The following KAZN variants were observed in gnomAD, a reference collection of about 807,000 sequenced individuals.
The protein encoded by KAZN is kazrin, periplakin interacting protein.
In KAZN, 40 loss-of-function variants were observed where a neutral mutation model predicts 87.4. The observed-to-expected ratio is 0.46, with a 90% CI of 0.36 to 0.60. The LOEUF (loss-of-function observed/expected upper bound fraction) is 0.60, where lower values mean the gene tolerates loss of function less well. KAZN is among the 20% of genes least tolerant of loss of function. The pLI is 0.00. For synonymous variants in KAZN, 466 were observed against 458.3 expected, an observed-to-expected ratio of 1.02 and a Z score of -0.22; for missense variants, 898 against 1,073.9, an observed-to-expected ratio of 0.84 and a Z score of 2.29.
chr1:14,197,739 T>C (rs188836675), intron 2 of KAZN, among the ~76,000 whole-genome samples: 211 of 152,216 alleles, frequency 1.4e-3, no homozygotes, highest in African/African-American at 4.9e-3. Flanking sequence ...ACCAGAACCT[T>C]ATTTTCTAAG....
At chr1:14,403,208 G>C (rs989862374) in intron 2 of KAZN, among the ~76,000 whole-genome samples, 2 of 152,150 alleles carry the variant, frequency 1.3e-5, no homozygotes, top group African/African-American at 4.8e-5. Context: ...CTTTACAAAT[G>C]GTGCTGGGAG....
At chr1:14,371,353 A>G (rs1301879717) in intron 2 of KAZN, among the ~76,000 whole-genome samples, 1 of 152,146 alleles carries the variant, frequency 6.6e-6, no homozygotes, top group African/African-American at 2.4e-5. Context: ...TACATGCTTA[A>G]TCCCCTCTTG....
intron 8 of KAZN, among the ~76,000 whole-genome samples, chr1:15,086,500 AC>A (rs1268815928): frequency 1.3e-5 from 2 of 152,204 alleles, no homozygotes; most frequent in African/African-American, 4.8e-5. Context: ...CTACCAAAAC[AC>A]TTGTAATCGA....
intron 1 of KAZN, among the ~76,000 whole-genome samples, chr1:14,855,539 T>C (rs1649996363): frequency 6.6e-6 from 1 of 152,182 alleles, no homozygotes; most frequent in Non-Finnish European, 1.5e-5. Flanking sequence ...ATGGGTCGGG[T>C]CACTGATGTG....
At chr1:13,990,677 C>T (rs1639236152) in intron 1 of KAZN, among the ~76,000 whole-genome samples, 1 of 152,104 alleles carries the variant, frequency 6.6e-6, no homozygotes, top group Non-Finnish European at 1.5e-5. Flanking sequence ...TCATTTTATG[C>T]ACATTTTACC....
chr1:14,901,751 G>A (rs1655942615), intron 1 of KAZN, among the ~76,000 whole-genome samples: 1 of 152,196 alleles, frequency 6.6e-6, no homozygotes, highest in Admixed American at 6.5e-5. Context: ...GGACAGCCTG[G>A]CGTCCAAGGT....
intron 1 of KAZN, among the ~76,000 whole-genome samples, chr1:14,097,545 G>T (rs138137680): frequency 5.9e-5 from 9 of 152,132 alleles, no homozygotes; most frequent in African/African-American, 2.2e-4. Context: ...TACCTGAAAG[G>T]CATTGTATTC....
intron 1 of KAZN, among the ~76,000 whole-genome samples, chr1:14,902,313 C>T (rs930675547): frequency 6.6e-6 from 1 of 151,936 alleles, no homozygotes; most frequent in Non-Finnish European, 1.5e-5. Context: ...GCAAGCTCCG[C>T]CTCCCGGGTT....
intron 1 of KAZN, among the ~76,000 whole-genome samples, chr1:14,762,697 C>A (rs531000438): frequency 1.3e-5 from 2 of 151,728 alleles, no homozygotes; most frequent in African/African-American, 4.8e-5. Context: ...TGCACTCTAG[C>A]CTGGGTGACA....
At position 14,735,098 on chromosome 1, in the gene KAZN, C is replaced by T. The variant is rs368468466; in HGVS notation, c.226+135875C>T. Among the ~76,000 whole-genome samples the T allele has an allele frequency of 1.2e-3, 183 of 152,268 alleles. 7 individuals are homozygous for T. In the South Asian group the frequency reaches 0.036, roughly 30 times the overall value. ...GTTTTGAGACGGAGTCTCGCTCTTT[C>T]GCCCAGGCCGGACTGTAGTGGCGCT... On this transcript the variant is annotated intron_variant, in intron 1 of 14. Transcript: ENST00000376030. The surrounding 1 kb of genome is among the most constrained non-coding windows in gnomAD (Gnocchi z 4.3).
intron 1 of KAZN, among the ~76,000 whole-genome samples, chr1:14,649,923 C>G (rs1638244242): frequency 6.6e-6 from 1 of 151,890 alleles, no homozygotes. Context: ...TAGGGAGACA[C>G]CATTTATAGA....
At position 15,048,827 on chromosome 1, in the gene KAZN, G is replaced by C. The variant is rs1173447172; in HGVS notation, c.726+4668G>C. Among the ~76,000 whole-genome samples, 117 of 109,750 alleles carry C rather than the reference G, an allele frequency of 1.1e-3. 3 individuals are homozygous for C. Among genetic ancestry groups the C allele is most frequent in the African/African-American group, 2.0e-3 (55 of 28,156 alleles). The allele number at this position is 109,750 out of a possible 152,430, so 72.0% of individuals were successfully genotyped here. ...GAGTCGTTGGTCCTGGGTTGTTGGT[G>C]CTGGGTCGTTGGTCCTGGGTCGTTG... On this transcript the variant is annotated intron_variant, in intron 4 of 14. Transcript: ENST00000376030.
intron 1 of KAZN, among the ~76,000 whole-genome samples, chr1:14,171,351 C>T (rs1645950794): frequency 6.6e-6 from 1 of 151,700 alleles, no homozygotes; most frequent in African/African-American, 2.4e-5. Flanking sequence ...GTTCAACTTA[C>T]TGAGGAACTG....
intron 2 of KAZN, among the ~76,000 whole-genome samples, chr1:14,347,148 G>A (rs1658164046): frequency 6.6e-6 from 1 of 152,142 alleles, no homozygotes; most frequent in African/African-American, 2.4e-5. Flanking sequence ...GAATGTTCCC[G>A]CTCCTATCCC....
chr1:14,062,307 C>A (rs567993850), intron 1 of KAZN, among the ~76,000 whole-genome samples: 4 of 152,194 alleles, frequency 2.6e-5, no homozygotes, highest in Non-Finnish European at 4.4e-5. Flanking sequence ...GATGGCCTGT[C>A]CTTCAGTTAT....
chr1:13,994,871 T>TAAACAAACAAAC (rs3031975), intron 1 of KAZN, among the ~76,000 whole-genome samples: 2 of 150,542 alleles, frequency 1.3e-5, no homozygotes, highest in African/African-American at 2.4e-5. Context: ...TGCAGCATGC[T>TAAACAAACAAAC]AAACAAACAA....
intron 1 of KAZN, among the ~76,000 whole-genome samples, chr1:14,076,272 C>T (rs1643456281): frequency 6.6e-6 from 1 of 151,584 alleles, no homozygotes; most frequent in African/African-American, 2.4e-5. Flanking sequence ...CAGAGCGAGA[C>T]TCCGTCTAAA....
chr1:14,138,459 C>T (rs1336367266), intron 1 of KAZN, among the ~76,000 whole-genome samples: 2 of 152,106 alleles, frequency 1.3e-5, no homozygotes, highest in Non-Finnish European at 2.9e-5. Context: ...TCTAATGTCT[C>T]ATTGGTCACA....
intron 2 of KAZN, among the ~76,000 whole-genome samples, chr1:14,333,018 C>T (rs2100876700): frequency 6.6e-6 from 1 of 152,228 alleles, no homozygotes; most frequent in East Asian, 1.9e-4. Flanking sequence ...AGCTATTTTT[C>T]CTTATGCTCT....
Sources: gnomAD v4.1 joint callset for allele counts (sites outside exome capture counted in the v4.1 genomes callset) on GRCh38, gnomAD v4.1.1 for gene constraint, Gnocchi (gnomAD v3.1) non-coding constraint, MANE v1.5 for transcripts, NCBI Gene and HGNC (gene_info 2026-07-23, HGNC 2026-07-21) for gene names.